SEMA6D: variants seen among roughly 807,000 people sequenced by gnomAD.
SEMA6D encodes the protein semaphorin-6D.
A neutral mutation model predicts 106.6 loss-of-function variants in SEMA6D; 35 were observed. That is an observed-to-expected ratio of 0.33 (90% CI 0.25 to 0.44). SEMA6D has a LOEUF of 0.44. Ranked by LOEUF, SEMA6D falls within the 20% of genes least tolerant of loss-of-function variation. SEMA6D has a pLI of 1.00. For missense variants in SEMA6D, 1,185 were observed against 1,345.9 expected, an observed-to-expected ratio of 0.88 and a Z score of 1.87; for synonymous variants, 499 against 487.7, an observed-to-expected ratio of 1.02 and a Z score of -0.31.
intron 4 of SEMA6D, among the ~76,000 whole-genome samples, chr15:47,648,930 A>G (rs975509645): frequency 1.3e-5 from 2 of 152,234 alleles, no homozygotes; most frequent in Non-Finnish European, 1.5e-5. Flanking sequence ...TGCAGTTTCC[A>G]AGAAAATATT....
At chr15:47,569,757 G>A (rs1473093478) in intron 3 of SEMA6D, among the ~76,000 whole-genome samples, 1 of 152,076 alleles carries the variant, frequency 6.6e-6, no homozygotes, top group African/African-American at 2.4e-5. Flanking sequence ...ATCTTGCTAT[G>A]GATCATTTTA....
chr15:47,210,562 C>G (rs918253241), intron 1 of SEMA6D, among the ~76,000 whole-genome samples: 2 of 151,806 alleles, frequency 1.3e-5, no homozygotes, highest in African/African-American at 2.4e-5. Flanking sequence ...ATCACGAGAT[C>G]AAGACCATCC....
intron 4 of SEMA6D, among the ~76,000 whole-genome samples, chr15:47,647,480 G>A (rs149760961): frequency 1.3e-5 from 2 of 152,158 alleles, no homozygotes; most frequent in African/African-American, 4.8e-5. Context: ...GAGTATTTTT[G>A]TGCATGTGCA....
intron 3 of SEMA6D, among the ~76,000 whole-genome samples, chr15:47,471,170 A>G (rs193277112): frequency 2.6e-5 from 4 of 152,248 alleles, no homozygotes; most frequent in Admixed American, 2.0e-4. Flanking sequence ...CGACAATTCT[A>G]CGCACACAGT....
intron 4 of SEMA6D, among the ~76,000 whole-genome samples, chr15:47,604,989 AG>A (rs1429886953): frequency 1.3e-5 from 2 of 151,998 alleles, no homozygotes; most frequent in Non-Finnish European, 2.9e-5. Context: ...TACAGGCGTG[AG>A]CCACTGCACC....
In SEMA6D at chr15:47,358,008, A is replaced by C. The variant is rs138017208; in HGVS notation, c.-238-54385A>C. 3.9e-3 allele frequency among the ~76,000 whole-genome samples: 588 copies of C among 152,324 alleles called. 2 individuals are homozygous for C. Among genetic ancestry groups the C allele is most frequent in the African/African-American group, 0.014 (568 of 41,566 alleles). On this transcript the variant is annotated intron_variant, in intron 1 of 19. Transcript: ENST00000558014. ...TTTCAGATTTACCGAATGTATTTAA[A>C]CATAGCTTTGAAAAAAATCTCCATA...
rs181205526 is a variant in SEMA6D at position 47,372,296 on chromosome 15, C to G, written c.-238-40097C>G. Among the ~76,000 whole-genome samples the G allele has an allele frequency of 2.6e-4, 40 of 152,344 alleles. 1 individual carries two copies. The highest frequency in any genetic ancestry group is 4.7e-4 in the Non-Finnish European group (32 of 68,032). ...GGTTGGCACCACTCCCAAGCCTCTC[C>G]TCATCTTCAGGCAAGGAAGAGATCA... On this transcript the variant is annotated intron_variant, in intron 1 of 19. Coordinates refer to the SEMA6D transcript ENST00000558014.
At chr15:47,188,151 A>T (rs990974573) in intron 1 of SEMA6D, among the ~76,000 whole-genome samples, 5 of 152,118 alleles carry the variant, frequency 3.3e-5, no homozygotes, top group African/African-American at 1.2e-4. Flanking sequence ...TTTTATTTTA[A>T]AAGCTTAGTT....
At chr15:47,334,992 G>A (rs142585688) in intron 1 of SEMA6D, among the ~76,000 whole-genome samples, 32 of 152,292 alleles carry the variant, frequency 2.1e-4, no homozygotes, top group African/African-American at 6.5e-4. Context: ...GCTGTACTAA[G>A]GTCAGATGTG....
rs977664588 is a variant in SEMA6D at position 47,566,406 on chromosome 15, T to G, written c.-86-34459T>G. Among the ~76,000 whole-genome samples the G allele has an allele frequency of 2.6e-5, 4 of 152,240 alleles. No homozygotes were observed. In the East Asian group the frequency reaches 7.7e-4, roughly 29 times the overall value. ...ACAATGACAAAGTAAGGCTGGAGTG[T>G]GTTCACTTGAACTGAGTGAGCTTTG... On this transcript the variant is annotated intron_variant, in intron 3 of 19. Transcript: ENST00000558014.
At chr15:47,290,446 G>C (rs561204779) in intron 1 of SEMA6D, among the ~76,000 whole-genome samples, 2 of 152,268 alleles carry the variant, frequency 1.3e-5, no homozygotes, top group South Asian at 4.2e-4. Context: ...TCAGTTCTGT[G>C]TAAGTAGAAG....
intron 4 of SEMA6D, among the ~76,000 whole-genome samples, chr15:47,650,947 C>A (rs1042231806): frequency 1.3e-5 from 2 of 152,172 alleles, no homozygotes; most frequent in South Asian, 2.1e-4. Context: ...AGTGTTTGCA[C>A]CTGTTCTCCC....
rs183030910 is a variant in SEMA6D, at chr15:47,225,321, G to T, written c.-239+40903G>T. On this transcript the variant is annotated intron_variant, in intron 1 of 19. Coordinates refer to the SEMA6D transcript ENST00000558014. Reference sequence around the variant, plus strand: ...TCTACATTCTCACCAGCATTTGGTGGTGTCAGTGTTCCAGATTTTAGTCAT... The same window carrying T: ...TCTACATTCTCACCAGCATTTGGTGTTGTCAGTGTTCCAGATTTTAGTCAT... Among the ~76,000 whole-genome samples, 67 of 152,034 alleles carry T rather than the reference G, an allele frequency of 4.4e-4. 1 individual carries two copies. Among genetic ancestry groups the T allele is most frequent in the African/African-American group, 1.4e-3 (59 of 41,512 alleles).
intron 1 of SEMA6D, among the ~76,000 whole-genome samples, chr15:47,361,349 C>T (rs10083615): frequency 0.015 from 2,339 of 152,290 alleles, 57 homozygotes; most frequent in African/African-American, 0.053. Flanking sequence ...ATATTTTGGA[C>T]GAGTTTTATT....
chr15:47,432,681 G>T (rs953153737), intron 2 of SEMA6D, among the ~76,000 whole-genome samples: 3 of 149,756 alleles, frequency 2.0e-5, no homozygotes, highest in Non-Finnish European at 3.0e-5. Flanking sequence ...GGTCTGAGAA[G>T]AAACAGAACA....
intron 3 of SEMA6D, among the ~76,000 whole-genome samples, chr15:47,541,526 A>G (rs928155877): frequency 2.6e-5 from 4 of 152,298 alleles, no homozygotes; most frequent in Admixed American, 2.0e-4. Flanking sequence ...TCTATGTAGT[A>G]AGATGGTGCC....
At chr15:47,330,860 T>TCTCTCATGAGG (rs2037315945) in intron 1 of SEMA6D, among the ~76,000 whole-genome samples, 2 of 151,816 alleles carry the variant, frequency 1.3e-5, no homozygotes, top group African/African-American at 4.8e-5. Flanking sequence ...GAGTCGCTGC[T>TCTCTCATGAGG]TATAGGACAT....
chr15:47,767,278 T>TA lies in SEMA6D; in HGVS notation c.1765+185_1765+186insA, dbSNP rs2082395992. 8.4e-6 allele frequency: 4 copies of TA among 475,768 alleles called. No homozygotes were observed. The Admixed American group carries it at 1.2e-4, about 14-fold the overall frequency. The allele number at this position is 475,768 out of a possible 1,614,324, so 29.5% of individuals were successfully genotyped here. A position where few individuals can be genotyped will look rare whatever the true frequency, so the allele number is the denominator to read the frequency against. On this transcript the variant is annotated intron_variant, in intron 17 of 18. Coordinates refer to ENST00000536845, the MANE Select transcript of SEMA6D (RefSeq NM_001358351.3). ...GCACTTCACCCTTGTTTATAGCATG[T>TA]TAACACTTCATCATTGACCAAGCCA...
intron 3 of SEMA6D, among the ~76,000 whole-genome samples, chr15:47,536,641 G>A (rs1481554692): frequency 3.3e-5 from 5 of 152,094 alleles, no homozygotes; most frequent in African/African-American, 1.2e-4. Flanking sequence ...GTCTTTTCCA[G>A]GGTAAATATT....
Sources: gnomAD v4.1 joint callset for allele counts (sites outside exome capture counted in the v4.1 genomes callset) on GRCh38, gnomAD v4.1.1 for gene constraint, MANE v1.5 for transcripts, NCBI Gene and HGNC (gene_info 2026-07-23, HGNC 2026-07-21) for gene names.